Variants in SCAPER observed in about 807,000 individuals in gnomAD.
The protein encoded by SCAPER is S-phase cyclin A associated protein in the ER, also known as S phase cyclin A-associated protein in the endoplasmic reticulum.
Under a neutral mutation model 182.2 loss-of-function variants are expected in SCAPER, and 98 were observed. The observed-to-expected ratio is 0.54, with a 90% confidence interval of 0.46 to 0.64. SCAPER has a LOEUF of 0.64. Ranked by LOEUF, SCAPER falls within the 30% of genes least tolerant of loss-of-function variation. The pLI is 0.00. For synonymous variants in SCAPER, 605 were observed against 564.6 expected (o/e 1.07, Z -1.01); for missense variants, 1,432 against 1,690.0 (o/e 0.85, Z 2.68).
chr15:76,576,060 A>G (rs1475885006), intron 22 of SCAPER, among the ~76,000 whole-genome samples: 1 of 152,214 alleles, frequency 6.6e-6, no homozygotes, highest in African/African-American at 2.4e-5. Flanking sequence ...TCTTCTTTAC[A>G]TTAATTTTAA....
intron 23 of SCAPER, among the ~76,000 whole-genome samples, chr15:76,563,028 G>A (rs1046742552): frequency 6.6e-6 from 1 of 152,018 alleles, no homozygotes; most frequent in Non-Finnish European, 1.5e-5. Flanking sequence ...ACTAACATGT[G>A]GTGTTTAGAA....
At chr15:76,701,213 T>A (rs2058929802) in intron 20 of SCAPER, among the ~76,000 whole-genome samples, 1 of 152,172 alleles carries the variant, frequency 6.6e-6, no homozygotes, top group Admixed American at 6.5e-5. Context: ...AATTTCTTAT[T>A]CTTGAGTAGT....
chr15:76,824,347 G>A (rs1207499488), intron 5 of SCAPER, among the ~76,000 whole-genome samples: 1 of 152,226 alleles, frequency 6.6e-6, no homozygotes, highest in African/African-American at 2.4e-5. Flanking sequence ...AGAGCAGGAA[G>A]GTTGGCGCCA....
At chr15:76,756,712 TCA>T (rs1263479896) in intron 14 of SCAPER, among the ~76,000 whole-genome samples, 3 of 152,230 alleles carry the variant, frequency 2.0e-5, no homozygotes, top group East Asian at 1.9e-4. Flanking sequence ...AACACAGTAC[TCA>T]GTTATAAGAG....
chr15:76,650,835 C>A (rs1470193202), intron 21 of SCAPER, among the ~76,000 whole-genome samples: 11 of 152,106 alleles, frequency 7.2e-5, no homozygotes, highest in African/African-American at 2.4e-4. Context: ...TCTCTGACCA[C>A]AGAAAATTAA....
At chr15:76,539,651 T>A (rs938481905) in intron 23 of SCAPER, among the ~76,000 whole-genome samples, 8 of 150,394 alleles carry the variant, frequency 5.3e-5, no homozygotes, top group Non-Finnish European at 1.0e-4. Context: ...GTTCATGCCA[T>A]TCTCCTGCCT....
chr15:76,445,097 G>A (rs2047903394), intron 25 of SCAPER, among the ~76,000 whole-genome samples: 1 of 152,140 alleles, frequency 6.6e-6, no homozygotes, highest in Non-Finnish European at 1.5e-5. Context: ...AGTGTACACT[G>A]TACCCATTTC....
intron 2 of SCAPER, among the ~76,000 whole-genome samples, chr15:76,875,884 T>C (rs2073108017): frequency 6.6e-6 from 1 of 152,014 alleles, no homozygotes; most frequent in African/African-American, 2.4e-5. Context: ...GGGGCGGCGC[T>C]GGTCGAGGAG....
intron 23 of SCAPER, among the ~76,000 whole-genome samples, chr15:76,561,145 A>G (rs2046587851): frequency 6.6e-6 from 1 of 152,246 alleles, no homozygotes; most frequent in Non-Finnish European, 1.5e-5. Flanking sequence ...GAATATAGCC[A>G]GAGAGTTAGC....
At chr15:76,379,851 G>A (rs983239883) in intron 28 of SCAPER, 1 of 152,160 alleles carries the variant, frequency 6.6e-6, no homozygotes, top group African/African-American at 2.4e-5. Flanking sequence ...GTTCACAGGA[G>A]GAGAGGGGCA....
At chr15:76,484,212 T>TC (rs2051398256) in intron 24 of SCAPER, among the ~76,000 whole-genome samples, 1 of 152,118 alleles carries the variant, frequency 6.6e-6, no homozygotes, top group Non-Finnish European at 1.5e-5. Flanking sequence ...CTTAAATGCA[T>TC]ATTGCTAAGT....
rs1479444787 is a variant in SCAPER at position 76,840,453 on chromosome 15, G to T, written c.393+1281C>A. Among the ~76,000 whole-genome samples, 3 of 150,978 alleles carry T rather than the reference G, an allele frequency of 2.0e-5. No homozygotes were observed. The East Asian group carries it at 5.8e-4, about 29-fold the overall frequency. On this transcript the variant is annotated intron_variant, in intron 5 of 31. Coordinates refer to ENST00000563290, the MANE Select transcript of SCAPER (RefSeq NM_020843.4). ...AAAAAAAAGTTTTTGTATGTTGATA[G>T]TAACAACATTTAAGTGTAACAACCA...
At chr15:76,756,074 C>T (rs1023391728) in intron 14 of SCAPER, among the ~76,000 whole-genome samples, 16 of 151,916 alleles carry the variant, frequency 1.1e-4, no homozygotes, top group African/African-American at 3.6e-4. Flanking sequence ...GAAACCTCGT[C>T]TCTACCAAAA....
At chr15:76,840,102 T>C (rs1176376967) in intron 5 of SCAPER, among the ~76,000 whole-genome samples, 1 of 152,200 alleles carries the variant, frequency 6.6e-6, no homozygotes, top group African/African-American at 2.4e-5. Flanking sequence ...AATATGATTT[T>C]ACTTAAAAAT....
chr15:76,529,188 C>T (rs1321409361), intron 23 of SCAPER, among the ~76,000 whole-genome samples: 7 of 152,092 alleles, frequency 4.6e-5, no homozygotes, highest in Non-Finnish European at 1.0e-4. Context: ...GGATTACAGG[C>T]CTGTACCCTC....
At chr15:76,377,692 A>G (rs950483834) in intron 28 of SCAPER, among the ~76,000 whole-genome samples, 1 of 152,228 alleles carries the variant, frequency 6.6e-6, no homozygotes, top group Non-Finnish European at 1.5e-5. Flanking sequence ...TGAAGAGGGA[A>G]AAATATTTTG....
intron 21 of SCAPER, 48 bp from the exon 22 acceptor site, chr15:76,621,877 A>G: frequency 7.6e-7 from 1 of 1,314,332 alleles, no homozygotes; most frequent in Non-Finnish European, 1.1e-6. Context: ...GCTAATTTTT[A>G]TAATAAACCA....
chr15:76,690,926 A>G (rs895461024), intron 20 of SCAPER, among the ~76,000 whole-genome samples: 9 of 152,162 alleles, frequency 5.9e-5, no homozygotes, highest in Non-Finnish European at 1.2e-4. Flanking sequence ...GAACACAGTG[A>G]ACCCAAAATA....
chr15:76,714,632 T>A (rs946035860), intron 17 of SCAPER, among the ~76,000 whole-genome samples: 2 of 152,134 alleles, frequency 1.3e-5, no homozygotes, highest in Non-Finnish European at 2.9e-5. Flanking sequence ...ATGTTCTCTT[T>A]CTTGGCCAGG....
Sources: allele counts gnomAD v4.1 joint callset (sites outside exome capture counted in the v4.1 genomes callset), GRCh38; gene constraint gnomAD v4.1.1; transcripts MANE v1.5; gene names NCBI Gene and HGNC (gene_info 2026-07-23, HGNC 2026-07-21).